Variants in TMEM132D observed in about 807,000 individuals in gnomAD.
TMEM132D encodes the protein transmembrane protein 132D, also known as mature OL transmembrane protein.
In TMEM132D, 21 loss-of-function variants were observed where a neutral mutation model predicts 62.3. The ratio of observed to expected loss-of-function variants is 0.34; its 90% confidence interval spans 0.24 to 0.49. TMEM132D has a LOEUF of 0.49. Among genes scored for constraint, TMEM132D ranks in the 20% least tolerant of loss-of-function variants. The pLI, the probability that TMEM132D is intolerant of heterozygous loss-of-function variation, is 0.99. For missense variants in TMEM132D, 1,346 were observed against 1,402.8 expected, an observed-to-expected ratio of 0.96 and a Z score of 0.65; for synonymous variants, 621 against 575.6, an observed-to-expected ratio of 1.08 and a Z score of -1.13.
intron 2 of TMEM132D, among the ~76,000 whole-genome samples, chr12:129,539,736 G>A (rs1048327678): frequency 1.3e-5 from 2 of 151,836 alleles, no homozygotes; most frequent in South Asian, 2.1e-4. Context: ...TAATGTTTTC[G>A]GACCCCAGAA....
intron 5 of TMEM132D, among the ~76,000 whole-genome samples, chr12:129,205,500 A>G (rs1204226933): frequency 6.6e-6 from 1 of 152,204 alleles, no homozygotes; most frequent in African/African-American, 2.4e-5. Flanking sequence ...ATTCAGGGGC[A>G]TCCAAATTCA....
intron 2 of TMEM132D, among the ~76,000 whole-genome samples, chr12:129,591,155 T>G (rs771681079): frequency 6.6e-6 from 1 of 152,132 alleles, no homozygotes; most frequent in Non-Finnish European, 1.5e-5. Context: ...AGGACTGGAA[T>G]GAAGGTTGAG....
intron 3 of TMEM132D, among the ~76,000 whole-genome samples, chr12:129,423,145 A>G (rs370944821): frequency 7.9e-5 from 12 of 152,084 alleles, no homozygotes; most frequent in African/African-American, 2.9e-4. Context: ...CTAAATTAAA[A>G]AAATAAATCT....
At chr12:129,407,335 A>G (rs986776701) in intron 3 of TMEM132D, among the ~76,000 whole-genome samples, 1 of 152,142 alleles carries the variant, frequency 6.6e-6, no homozygotes, top group Non-Finnish European at 1.5e-5. Context: ...ACTCTTTGTC[A>G]CTTCTTCGTC....
At chr12:129,421,242 C>T (rs1302864689) in intron 3 of TMEM132D, among the ~76,000 whole-genome samples, 2 of 152,144 alleles carry the variant, frequency 1.3e-5, no homozygotes, top group Non-Finnish European at 2.9e-5. Flanking sequence ...GGATTACAGG[C>T]GTGAGCCACC....
intron 3 of TMEM132D, among the ~76,000 whole-genome samples, chr12:129,409,401 C>T (rs1871896341): frequency 6.6e-6 from 1 of 152,180 alleles, no homozygotes; most frequent in African/African-American, 2.4e-5. Flanking sequence ...CATGCACGCA[C>T]GCGCCTAGAA....
At chr12:129,765,126 G>A (rs1473935291) in intron 1 of TMEM132D, among the ~76,000 whole-genome samples, 2 of 152,320 alleles carry the variant, frequency 1.3e-5, no homozygotes, top group East Asian at 3.9e-4. Flanking sequence ...AAGGTGGGCT[G>A]TAGGAAAATA....
At chr12:129,247,516 A>T (rs936192166) in intron 4 of TMEM132D, among the ~76,000 whole-genome samples, 24 of 152,240 alleles carry the variant, frequency 1.6e-4, no homozygotes, top group African/African-American at 5.5e-4. Flanking sequence ...CCAAATCCTC[A>T]GCAGCTTTCT....
chr12:129,229,406 C>T (rs1194397055), intron 4 of TMEM132D, among the ~76,000 whole-genome samples: 1 of 152,172 alleles, frequency 6.6e-6, no homozygotes, highest in Non-Finnish European at 1.5e-5. Context: ...TTCCATGAAA[C>T]CCAGCATGAA....
intron 5 of TMEM132D, among the ~76,000 whole-genome samples, chr12:129,092,164 T>C (rs1413836638): frequency 1.3e-5 from 2 of 152,248 alleles, no homozygotes; most frequent in Non-Finnish European, 2.9e-5. Flanking sequence ...TATTTCTGAC[T>C]CTGGTGTGCA....
chr12:129,138,177 G>GA (rs35079903), intron 5 of TMEM132D, among the ~76,000 whole-genome samples: 1 of 151,976 alleles, frequency 6.6e-6, no homozygotes, highest in Admixed American at 6.6e-5. Flanking sequence ...TTGCCTTGCA[G>GA]AAAAAAAGGG....
chr12:129,210,462 C>A (rs1485408259), intron 4 of TMEM132D, among the ~76,000 whole-genome samples: 1 of 152,192 alleles, frequency 6.6e-6, no homozygotes, highest in African/African-American at 2.4e-5. Flanking sequence ...CACACATCCA[C>A]ACTCACCCAA....
At chr12:129,842,879 G>A (rs10847960) in intron 1 of TMEM132D, among the ~76,000 whole-genome samples, 18,861 of 152,056 alleles carry the variant, frequency 0.12, 1,800 homozygotes, top group East Asian at 0.52. Context: ...CTTTTGTTGT[G>A]TTCAATTTTT....
intron 1 of TMEM132D, among the ~76,000 whole-genome samples, chr12:129,805,320 C>T (rs1194815574): frequency 6.6e-6 from 1 of 152,068 alleles, no homozygotes; most frequent in South Asian, 2.1e-4. Context: ...ACCAAAACAG[C>T]ATGGTACTGG....
In TMEM132D at chr12:129,073,738, A is replaced by G. The variant is rs1593250425; in HGVS notation, c.*137T>C. 2.6e-6 allele frequency: 2 copies of G among 770,594 alleles called. No individual in the cohort carries two copies. The highest frequency in any genetic ancestry group is 3.9e-4 in the Middle Eastern group (1 of 2,544). 47.7% of individuals were successfully genotyped at this position (770,594 alleles called of 1,614,324 possible). A position where few individuals can be genotyped will look rare whatever the true frequency, so the allele number is the denominator to read the frequency against. On this transcript the variant is annotated 3_prime_UTR_variant, in exon 9 of 9. Transcript: ENST00000422113. Reference sequence around the variant, plus strand: ...CAGGCCTCGCCGCCGAGCCGGGGTCATTGGCTGAGGCTGTATGGATAGTGT... The same window carrying G: ...CAGGCCTCGCCGCCGAGCCGGGGTCGTTGGCTGAGGCTGTATGGATAGTGT...
At chr12:129,770,492 G>A (rs774725478) in intron 1 of TMEM132D, among the ~76,000 whole-genome samples, 1 of 152,156 alleles carries the variant, frequency 6.6e-6, no homozygotes, top group Non-Finnish European at 1.5e-5. Flanking sequence ...CCATATTTAT[G>A]CACCACATTG....
intron 3 of TMEM132D, among the ~76,000 whole-genome samples, chr12:129,497,170 T>C (rs977421412): frequency 6.6e-6 from 1 of 152,074 alleles, no homozygotes; most frequent in Non-Finnish European, 1.5e-5. Flanking sequence ...TAGCTGGGCG[T>C]GGTGGTGGGC....
chr12:129,480,855 A>G (rs568754208), intron 3 of TMEM132D, among the ~76,000 whole-genome samples: 2 of 152,342 alleles, frequency 1.3e-5, no homozygotes, highest in South Asian at 4.1e-4. Flanking sequence ...GTCCCAGAAC[A>G]ATTCTCACAG....
chr12:129,105,843 G>A (rs955992146), intron 5 of TMEM132D, among the ~76,000 whole-genome samples: 6 of 151,172 alleles, frequency 4.0e-5, no homozygotes, highest in Non-Finnish European at 5.9e-5. Context: ...TTCAACCATT[G>A]TGGAAGTCAG....
Sources: gnomAD v4.1 joint callset for allele counts (sites outside exome capture counted in the v4.1 genomes callset) on GRCh38, gnomAD v4.1.1 for gene constraint, MANE v1.5 for transcripts, NCBI Gene and HGNC (gene_info 2026-07-23, HGNC 2026-07-21) for gene names.